The following ELMO1 variants were observed in gnomAD, a reference collection of about 807,000 sequenced individuals.
ELMO1 encodes engulfment and cell motility 1.
ELMO1 carries 26 observed loss-of-function variants against 98.9 expected under a neutral mutation model. The observed-to-expected ratio is 0.26, with a 90% CI of 0.19 to 0.36. ELMO1 has a LOEUF of 0.36. ELMO1 is among the 10% of genes least tolerant of loss of function. ELMO1 has a pLI of 1.00. For synonymous variants in ELMO1, 346 were observed against 346.0 expected (o/e 1.00, Z 0.00); for missense variants, 627 against 935.2 (o/e 0.67, Z 4.30).
intron 15 of ELMO1, among the ~76,000 whole-genome samples, chr7:37,017,376 T>C (rs1794001044): frequency 6.6e-6 from 1 of 152,210 alleles, no homozygotes; most frequent in African/African-American, 2.4e-5. Context: ...GCTCACCAGC[T>C]GGGTTTCATG....
At chr7:37,132,650 A>T (rs1787004317) in intron 14 of ELMO1, among the ~76,000 whole-genome samples, 1 of 152,154 alleles carries the variant, frequency 6.6e-6, no homozygotes, top group Non-Finnish European at 1.5e-5. Context: ...TCCACCCACA[A>T]ATTAATCTAC....
intron 16 of ELMO1, among the ~76,000 whole-genome samples, chr7:36,932,358 C>T (rs1209962845): frequency 6.6e-6 from 1 of 152,168 alleles, no homozygotes; most frequent in Non-Finnish European, 1.5e-5. Flanking sequence ...ACCCTTCTGT[C>T]ACTTCCAGTT....
chr7:37,153,586 G>A (rs924046386), intron 13 of ELMO1, among the ~76,000 whole-genome samples: 2 of 152,180 alleles, frequency 1.3e-5, no homozygotes, highest in Non-Finnish European at 1.5e-5. Context: ...AGGGGGAGGG[G>A]TGTCTGCCAC....
chr7:37,076,190 C>T (rs1797571152), intron 15 of ELMO1, among the ~76,000 whole-genome samples: 1 of 152,216 alleles, frequency 6.6e-6, no homozygotes. Flanking sequence ...AGTCACTATT[C>T]TCAATTACTT....
intron 4 of ELMO1, among the ~76,000 whole-genome samples, chr7:37,297,781 T>C (rs149012372): frequency 2.6e-5 from 4 of 152,290 alleles, no homozygotes; most frequent in Non-Finnish European, 5.9e-5. Context: ...GCAAACTGTG[T>C]TGTTGGCATT....
intron 15 of ELMO1, among the ~76,000 whole-genome samples, chr7:37,028,052 A>T (rs1362084121): frequency 6.6e-6 from 1 of 151,820 alleles, no homozygotes; most frequent in Non-Finnish European, 1.5e-5. Context: ...TTTTTTTAAC[A>T]AGTATTTTCT....
chr7:36,877,046 A>G (rs913262768), intron 19 of ELMO1, among the ~76,000 whole-genome samples: 1 of 152,102 alleles, frequency 6.6e-6, no homozygotes, highest in Admixed American at 6.5e-5. Flanking sequence ...TTTCCCACTC[A>G]TGGGTTATTT....
At chr7:37,014,165 T>C (rs956179409) in intron 15 of ELMO1, among the ~76,000 whole-genome samples, 3 of 150,780 alleles carry the variant, frequency 2.0e-5, no homozygotes, top group Admixed American at 1.3e-4. Flanking sequence ...TGGTCCCTAC[T>C]CTCCTCCTCC....
chr7:37,192,525 C>A (rs537533766), intron 13 of ELMO1, among the ~76,000 whole-genome samples: 4 of 141,952 alleles, frequency 2.8e-5, no homozygotes, highest in Non-Finnish European at 4.6e-5. Context: ...CTGGGCCGGG[C>A]GCAGTGGTTC....
chr7:37,242,343 A>C (rs1794804162), intron 7 of ELMO1, among the ~76,000 whole-genome samples: 1 of 152,144 alleles, frequency 6.6e-6, no homozygotes, highest in South Asian at 2.1e-4. Context: ...CCATCTGTGC[A>C]TTCATTACAC....
At chr7:37,426,979 C>T (rs1267996530) in intron 1 of ELMO1, among the ~76,000 whole-genome samples, 2 of 151,440 alleles carry the variant, frequency 1.3e-5, no homozygotes. Flanking sequence ...GATTTTTATC[C>T]AAGATCCTTC....
intron 14 of ELMO1, among the ~76,000 whole-genome samples, chr7:37,122,714 T>C (rs996067959): frequency 1.3e-5 from 2 of 152,078 alleles, no homozygotes; most frequent in Non-Finnish European, 2.9e-5. Flanking sequence ...CTGTCAACAT[T>C]AGACAGATCA....
At chr7:37,332,027 C>T (rs1038302340) in intron 2 of ELMO1, among the ~76,000 whole-genome samples, 3 of 151,960 alleles carry the variant, frequency 2.0e-5, no homozygotes, top group Non-Finnish European at 4.4e-5. Flanking sequence ...AAATGACAGC[C>T]GGAAATTATG....
chr7:37,074,701 AATGTGGGGTTAAT>A (rs1797468331), intron 15 of ELMO1, among the ~76,000 whole-genome samples: 1 of 152,150 alleles, frequency 6.6e-6, no homozygotes, highest in Admixed American at 6.5e-5. Flanking sequence ...CCCGGCTATG[AATGTGGGGTTAAT>A]ATTAGACCAG....
intron 15 of ELMO1, among the ~76,000 whole-genome samples, chr7:37,085,682 T>C (rs1783728044): frequency 6.6e-6 from 1 of 152,224 alleles, no homozygotes; most frequent in Non-Finnish European, 1.5e-5. Flanking sequence ...GCTTGAGATT[T>C]AGAAGAGACT....
At position 37,448,673 on chromosome 7, in the gene ELMO1, A is replaced by G. The variant is rs1056831632; in HGVS notation, c.-74+2T>C. 6.6e-6 allele frequency: 1 copy of G among 152,096 alleles called. No individual in the cohort carries two copies. The highest frequency in any genetic ancestry group is 1.5e-5 in the Non-Finnish European group (1 of 68,056). The allele number at this position is 152,096 out of a possible 1,614,324, so 9.4% of individuals were successfully genotyped here. A position where few individuals can be genotyped will look rare whatever the true frequency, so the allele number is the denominator to read the frequency against. The stretch of plus-strand genomic sequence containing the variant: ...GGCGCCAGCCCAGGAAACTTTACGA[A>G]CCTGCTTGGGGTCGCAGGACAGCAG... On this transcript the variant is annotated splice_donor_variant, in intron 1 of 21. Coordinates refer to ENST00000310758, the MANE Select transcript of ELMO1 (RefSeq NM_014800.11). LOFTEE classifies it low-confidence loss of function (5UTR_SPLICE).
At chr7:37,103,936 G>A (rs1442780193) in intron 14 of ELMO1, among the ~76,000 whole-genome samples, 4 of 144,032 alleles carry the variant, frequency 2.8e-5, no homozygotes, top group Admixed American at 2.1e-4. Flanking sequence ...GCATGAACCC[G>A]CGAGGCGGAG....
rs566084085 is a variant in ELMO1 at position 37,018,362 on chromosome 7, G to A, written c.1301-4927C>T. Among the ~76,000 whole-genome samples the A allele has an allele frequency of 4.6e-5, 7 of 152,208 alleles. No homozygotes were observed. The South Asian group carries it at 1.4e-3, about 32-fold the overall frequency. On this transcript the variant is annotated intron_variant, in intron 15 of 21. Transcript: ENST00000310758. ...GCTGGTCTTGAACTCCTGACCTCAG[G>A]TGATCTGCCCGCCTCACCCTCCCAA...
chr7:37,003,863 C>T (rs1394211399), intron 16 of ELMO1, among the ~76,000 whole-genome samples: 1 of 152,122 alleles, frequency 6.6e-6, no homozygotes, highest in African/African-American at 2.4e-5. Flanking sequence ...ACTCTGACTG[C>T]TTGGTTTATC....
Sources: gnomAD v4.1 joint callset for allele counts (sites outside exome capture counted in the v4.1 genomes callset) on GRCh38, gnomAD v4.1.1 for gene constraint, MANE v1.5 for transcripts, NCBI Gene and HGNC (gene_info 2026-07-23, HGNC 2026-07-21) for gene names.